SH3TC2: variants seen among roughly 807,000 people sequenced by gnomAD.
SH3TC2 encodes the protein SH3 domain and tetratricopeptide repeats 2.
A neutral mutation model predicts 124.5 loss-of-function variants in SH3TC2; 87 were observed. That is an observed-to-expected ratio of 0.70 (90% CI 0.59 to 0.84). The LOEUF is 0.84. SH3TC2 is among the 40% of genes least tolerant of loss of function. SH3TC2 has a pLI of 0.00. For synonymous variants in SH3TC2, 634 were observed against 628.5 expected, an observed-to-expected ratio of 1.01 and a Z score of -0.13; for missense variants, 1,536 against 1,566.4, an observed-to-expected ratio of 0.98 and a Z score of 0.33.
chr5:149,046,021 T>G, intron 3 of SH3TC2: 1 of 393,270 alleles, frequency 2.5e-6, no homozygotes, highest in South Asian at 1.8e-5. Context: ...AATCTGTTGT[T>G]TGTCCAAGCC....
chr5:149,047,761 G>T (rs77336339), intron 3 of SH3TC2, 101 bp downstream of exon 3: 2 of 1,486,070 alleles, frequency 1.3e-6, no homozygotes, highest in Non-Finnish European at 1.9e-6. Flanking sequence ...TGTTTTTTCC[G>T]AGGACCTACT....
At chr5:149,043,369 T>G (rs1254538057) in intron 4 of SH3TC2, among the ~76,000 whole-genome samples, 2 of 152,198 alleles carry the variant, frequency 1.3e-5, no homozygotes, top group African/African-American at 4.8e-5. Context: ...AAAAGCAGAC[T>G]AAAAACTATG....
At chr5:149,014,779 A>G (rs1011314375) in intron 12 of SH3TC2, among the ~76,000 whole-genome samples, 2 of 152,234 alleles carry the variant, frequency 1.3e-5, no homozygotes, top group African/African-American at 4.8e-5. Context: ...CTTTCACTAT[A>G]GGAAGCCCTG....
At chr5:149,038,224 C>T in intron 8 of SH3TC2, 71 bp downstream of exon 8, 1 of 1,513,324 alleles carries the variant, frequency 6.6e-7, no homozygotes, top group Non-Finnish European at 9.1e-7. Context: ...AACTGCAAAT[C>T]TGCTCAAAGA....
rs1286889676 is a variant in SH3TC2, at chr5:149,021,886, T to TGAAGAGGAAGGAATA, written c.3053+4685_3053+4686insTATTCCTTCCTCTTC. ...CACCAATCCTTCACAAACTCTTTCT[T>TGAAGAGGAAGGAATA]TTTTTTTTTTTTTTTTTTTTTTTTT... On this transcript the variant is annotated intron_variant, in intron 12 of 16. Transcript: ENST00000515425. 8.6e-3 allele frequency among the ~76,000 whole-genome samples: 81 copies of TGAAGAGGAAGGAATA among 9,472 alleles called. 37 individuals are homozygous for TGAAGAGGAAGGAATA. The highest frequency in any genetic ancestry group is 0.04 in the African/African-American group (44 of 1,102). 6.2% of individuals were successfully genotyped at this position (9,472 alleles called of 152,430 possible). A position where few individuals can be genotyped will look rare whatever the true frequency, so the allele number is the denominator to read the frequency against.
At position 148,990,527 on chromosome 5, in the gene SH3TC2, C is replaced by T. The variant is rs1320391128; in HGVS notation, c.*14184G>A. Among the ~76,000 whole-genome samples the T allele has an allele frequency of 6.6e-6, 1 of 152,172 alleles. No homozygotes were observed. Among genetic ancestry groups the T allele is most frequent in the Non-Finnish European group, 1.5e-5 (1 of 68,032 alleles). ...AGCTTGGTGGCGAACAGCATGGGCCCTTGGACCAGATCAATTGAATGCAAA... is the reference window on the plus strand; with the variant it reads ...AGCTTGGTGGCGAACAGCATGGGCCTTTGGACCAGATCAATTGAATGCAAA... On this transcript the variant is annotated 3_prime_UTR_variant, in exon 17 of 17. Transcript: ENST00000515425.
At chr5:149,041,706 C>T (rs995213753) in intron 5 of SH3TC2, 89 bp from the exon 6 acceptor site, 19 of 1,428,634 alleles carry the variant, frequency 1.3e-5, no homozygotes, top group African/African-American at 1.1e-4. Flanking sequence ...CTATTCAGAG[C>T]TGGAGTACTT....
intron 12 of SH3TC2, among the ~76,000 whole-genome samples, chr5:149,014,025 G>C (rs754257529): frequency 5.3e-5 from 8 of 152,114 alleles, no homozygotes; most frequent in Non-Finnish European, 7.3e-5. Flanking sequence ...ATTTTATAGA[G>C]GAAACAAGCC....
At chr5:149,048,065 T>C in intron 2 of SH3TC2, 76 bp from the exon 3 acceptor site, 1 of 1,594,082 alleles carries the variant, frequency 6.3e-7, no homozygotes, top group Non-Finnish European at 8.6e-7. Flanking sequence ...TAGCCCACAG[T>C]TTCCCCTACA....
chr5:149,013,004 C>G (rs1021268167), intron 12 of SH3TC2, among the ~76,000 whole-genome samples: 2 of 152,156 alleles, frequency 1.3e-5, no homozygotes, highest in African/African-American at 4.8e-5. Flanking sequence ...AATTGAGATA[C>G]AACTAAGTGC....
chr5:149,005,235 G>A (rs568622283), intron 16 of SH3TC2, among the ~76,000 whole-genome samples: 1 of 152,192 alleles, frequency 6.6e-6, no homozygotes, highest in South Asian at 2.1e-4. Context: ...CCACTCCCTG[G>A]GACTTTCCAC....
At chr5:149,020,479 A>G (rs557866155) in intron 12 of SH3TC2, among the ~76,000 whole-genome samples, 1 of 152,318 alleles carries the variant, frequency 6.6e-6, no homozygotes, top group Non-Finnish European at 1.5e-5. Flanking sequence ...CAAAAATCCT[A>G]CCTTACCTGT....
intron 1 of SH3TC2, among the ~76,000 whole-genome samples, chr5:149,061,828 A>T (rs1010431993): frequency 1.3e-5 from 2 of 152,100 alleles, no homozygotes; most frequent in Non-Finnish European, 2.9e-5. Context: ...GGGACTGAAA[A>T]GTGTTTACAT....
chr5:148,988,112 T>G lies in SH3TC2; in HGVS notation c.*16599A>C, dbSNP rs1476826648. On this transcript the variant is annotated 3_prime_UTR_variant, in exon 17 of 17. Transcript: ENST00000515425. ...TCTTAAGGACAAGGCTGGGTTCTTTTGGCCTTACTGGGTAATAAAAACTCT... is the reference window on the plus strand; with the variant it reads ...TCTTAAGGACAAGGCTGGGTTCTTTGGGCCTTACTGGGTAATAAAAACTCT... Among the ~76,000 whole-genome samples, 6 of 152,152 alleles carry G rather than the reference T, an allele frequency of 3.9e-5. No individual in the cohort carries two copies. Among genetic ancestry groups the G allele is most frequent in the African/African-American group, 1.4e-4 (6 of 41,420 alleles).
rs138903394 is a variant in SH3TC2, at chr5:149,027,857, C to T, written c.1875G>A (p.Val625=). ...TGGCCTCCAGCGGGCTGCTGCCCACCACAATCCCCTGGCGCAGCACGTAGG... is the reference window on the plus strand; with the variant it reads ...TGGCCTCCAGCGGGCTGCTGCCCACTACAATCCCCTGGCGCAGCACGTAGG... ...VVAYVLRQGI[V]VGSSPLEARA... The change falls in exon 11 of 17, where the codon GTG becomes GTA. Residue 625 remains valine, a synonymous_variant. Transcript: ENST00000515425. The T allele has an allele frequency of 3.2e-5, 51 of 1,613,824 alleles. No individual in the cohort carries two copies. The highest frequency in any genetic ancestry group is 3.5e-5 in the Non-Finnish European group (41 of 1,180,046).
chr5:149,046,699 G>A (rs1334292371), intron 3 of SH3TC2: 1 of 152,190 alleles, frequency 6.6e-6, no homozygotes, highest in Non-Finnish European at 1.5e-5. Context: ...TCTGACTCAA[G>A]CTTCAGCCCA....
At chr5:149,006,364 T>C (rs932765325) in intron 16 of SH3TC2, 14 of 124,814 alleles carry the variant, frequency 1.1e-4, no homozygotes, top group Admixed American at 2.3e-4. Context: ...AAAGGCCCCA[T>C]ACCTCGTTAT....
rs1400397465 is a variant in SH3TC2 at position 148,988,856 on chromosome 5, G to A, written c.*15855C>T. On this transcript the variant is annotated 3_prime_UTR_variant, in exon 17 of 17. Coordinates refer to ENST00000515425, the MANE Select transcript of SH3TC2 (RefSeq NM_024577.4). ...GTTCCACCTCATGGTTCAAAAACAC[G>A]ATCCCCATAACTTTAATGTTTAAGG... is the stretch of plus-strand genomic sequence containing the variant. Among the ~76,000 whole-genome samples the A allele has an allele frequency of 1.3e-5, 2 of 152,174 alleles. No individual in the cohort carries two copies. Among genetic ancestry groups the A allele is most frequent in the Non-Finnish European group, 2.9e-5 (2 of 68,026 alleles).
intron 1 of SH3TC2, chr5:149,057,489 T>G (rs2127404738): frequency 6.6e-6 from 1 of 152,328 alleles, no homozygotes; most frequent in East Asian, 1.9e-4. Context: ...TGTGCCCTGG[T>G]GATTTGCTGC....
Sources: gnomAD v4.1 joint callset for allele counts (sites outside exome capture counted in the v4.1 genomes callset) on GRCh38, gnomAD v4.1.1 for gene constraint, MANE v1.5 for transcripts, NCBI Gene and HGNC (gene_info 2026-07-23, HGNC 2026-07-21) for gene names.